CLTCL1: variants seen among roughly 807,000 people sequenced by gnomAD.
CLTCL1 encodes clathrin heavy chain like 1.
CLTCL1 carries 159 observed loss-of-function variants against 190.0 expected under a neutral mutation model. That is an observed-to-expected ratio of 0.84 (90% CI 0.74 to 0.95). CLTCL1 has a LOEUF of 0.95. CLTCL1 is among the 40% of genes least tolerant of loss of function. The probability of loss-of-function intolerance (pLI) is 0.00; values close to 1 mark genes in which losing one functional copy is unlikely to be tolerated. For missense variants in CLTCL1, 1,878 were observed against 2,033.4 expected (o/e 0.92, Z 1.47); for synonymous variants, 752 against 769.6 (o/e 0.98, Z 0.38).
chr22:19,239,127 C>T, intron 5 of CLTCL1, 148 bp downstream of exon 5: 1 of 663,476 alleles, frequency 1.5e-6, no homozygotes. Context: ...GCTCACACGC[C>T]AAAGCCTTAG....
At chr22:19,227,595 C>T (rs1036914661) in intron 11 of CLTCL1, among the ~76,000 whole-genome samples, 1 of 152,022 alleles carries the variant, frequency 6.6e-6, no homozygotes, top group South Asian at 2.1e-4. Context: ...GCTGGGACTA[C>T]AGGCATGCGC....
In CLTCL1 at chr22:19,210,533, C is replaced by T. The variant is rs781965664; in HGVS notation, c.3066-24G>A. The T allele has an allele frequency of 2.4e-5, 38 of 1,599,040 alleles. No individual in the cohort carries two copies. The East Asian group carries it at 3.4e-4, about 14-fold the overall frequency. On this transcript the variant is annotated intron_variant, in intron 19 of 32. Coordinates refer to ENST00000427926, the MANE Select transcript of CLTCL1 (RefSeq NM_007098.4). ...TCCTGAGGAGAGAGGGTGGTCAGCA[C>T]GGCATCCCAGGAACGAAGGCTGCAC...
At chr22:19,219,778 C>T (rs1254307578) in intron 18 of CLTCL1, 107 bp downstream of exon 18, 1 of 1,519,586 alleles carries the variant, frequency 6.6e-7, no homozygotes, top group East Asian at 2.3e-5. Flanking sequence ...GAGCCACTGC[C>T]CTCAGCCAAG....
Position 19,208,938 on chromosome 22 carries a change from C to T in CLTCL1, c.3426G>A (p.Gln1142=), listed in dbSNP as rs1555944680. 6.2e-7 allele frequency: 1 copy of T among 1,608,504 alleles called. No homozygotes were observed. Among genetic ancestry groups the T allele is most frequent in the Non-Finnish European group, 8.5e-7 (1 of 1,177,386 alleles). The change falls in exon 21 of 33, where the codon CAG becomes CAA. Residue 1142 remains glutamine (Q), a synonymous_variant. Transcript: ENST00000427926. The stretch of plus-strand genomic sequence containing the variant: ...CTCACTTACTGCTCCTGCTGGCTGA[C>T]TGAACAACTTCCAGGTAAGAGGAAG... The part of the protein sequence containing the change: ...DDPSSYLEVV[Q]SASRSNNWED...
At chr22:19,200,263 A>G (rs955130129) in intron 23 of CLTCL1, among the ~76,000 whole-genome samples, 3 of 152,222 alleles carry the variant, frequency 2.0e-5, no homozygotes, top group African/African-American at 4.8e-5. Flanking sequence ...TGCACTGTAC[A>G]GTATGTATAC....
At chr22:19,186,402 G>A (rs781807445) in intron 29 of CLTCL1, among the ~76,000 whole-genome samples, 30 of 151,918 alleles carry the variant, frequency 2.0e-4, no homozygotes, top group Non-Finnish European at 3.4e-4. Flanking sequence ...GTCCCTCCAG[G>A]CAGCCCAACC....
Position 19,180,209 on chromosome 22 carries a change from C to T in CLTCL1, c.*10G>A. 6.2e-7 allele frequency: 1 copy of T among 1,613,700 alleles called. No individual in the cohort carries two copies. The highest frequency in any genetic ancestry group is 8.5e-7 in the Non-Finnish European group (1 of 1,179,766). ...AAATGGGACACTTACTTAGTGCAAT[C>T]AGCTGGGTCTCATTCATGCCCATCA... is the stretch of plus-strand genomic sequence containing the variant. On this transcript the variant is annotated 3_prime_UTR_variant, in exon 32 of 33. Coordinates refer to ENST00000427926, the MANE Select transcript of CLTCL1 (RefSeq NM_007098.4).
intron 2 of CLTCL1, 99 bp downstream of exon 2, chr22:19,275,524 G>A (rs2146292430): frequency 1.6e-6 from 2 of 1,246,036 alleles, no homozygotes; most frequent in Non-Finnish European, 2.3e-6. Flanking sequence ...CTATTGAGGA[G>A]CACTTCGCCA....
At chr22:19,265,927 C>T (rs2087109501) in intron 2 of CLTCL1, among the ~76,000 whole-genome samples, 1 of 152,180 alleles carries the variant, frequency 6.6e-6, no homozygotes, top group Non-Finnish European at 1.5e-5. Context: ...GGCTGGAGTG[C>T]AATGGCACTA....
Position 19,198,092 on chromosome 22 carries a change from T to A in CLTCL1, c.3874-1436A>T, listed in dbSNP as rs528972720. Among the ~76,000 whole-genome samples the A allele has an allele frequency of 1.0e-3, 153 of 152,314 alleles. No homozygotes were observed. Among genetic ancestry groups the A allele is most frequent in the Non-Finnish European group, 1.4e-3 (98 of 68,020 alleles). ...AAGTAATTCTTGTCCTTCCCTCCCG[T>A]GCTGCACCTTCAGTCTTCCCCTCAT... On this transcript the variant is annotated intron_variant, in intron 24 of 32. Transcript: ENST00000427926. The surrounding 1 kb of genome is among the most constrained non-coding windows in gnomAD (Gnocchi z 4.1).
At chr22:19,268,908 G>A (rs1601700139) in intron 2 of CLTCL1, among the ~76,000 whole-genome samples, 2 of 152,008 alleles carry the variant, frequency 1.3e-5, no homozygotes, top group South Asian at 2.1e-4. Flanking sequence ...TGGCCAACAT[G>A]GTGAAACCTC....
intron 3 of CLTCL1, among the ~76,000 whole-genome samples, chr22:19,246,764 A>G (rs1293833178): frequency 6.6e-6 from 1 of 152,196 alleles, no homozygotes; most frequent in Non-Finnish European, 1.5e-5. Context: ...GAGTGGGTGT[A>G]AAGTGGTACT....
In CLTCL1 at chr22:19,219,991, G is replaced by C; in HGVS notation, c.2813C>G (p.Ser938Cys). The C allele has an allele frequency of 1.2e-6, 2 of 1,614,050 alleles. No homozygotes were observed. The highest frequency in any genetic ancestry group is 1.7e-6 in the Non-Finnish European group (2 of 1,179,914). The part of the protein sequence containing the change: ...LELIKVCNEN[S>C]LFKSEARYLV... ...GTAGCGGGCCTCGCTTTTGAACAGAGAATTCTCATTGCACACCTGAAATGA... is the reference window on the plus strand; with the variant it reads ...GTAGCGGGCCTCGCTTTTGAACAGACAATTCTCATTGCACACCTGAAATGA... Residue 938 changes from serine (S) to cysteine (C), a missense_variant, in exon 18 of 33, where the codon TCT (serine) becomes TGT (cysteine). Ser to Cys is a moderately radical substitution (Grantham distance 112). Coordinates refer to ENST00000427926, the MANE Select transcript of CLTCL1 (RefSeq NM_007098.4).
At chr22:19,183,082 G>A (rs1444734768) in intron 30 of CLTCL1, 2 of 356,840 alleles carry the variant, frequency 5.6e-6, no homozygotes, top group Non-Finnish European at 1.1e-5. Flanking sequence ...TGAAGTCCAG[G>A]GCTGGGGATG....
intron 5 of CLTCL1, among the ~76,000 whole-genome samples, chr22:19,237,331 A>G (rs1431675668): frequency 6.6e-6 from 1 of 152,122 alleles, no homozygotes; most frequent in Non-Finnish European, 1.5e-5. Flanking sequence ...AAAGATCCCA[A>G]TAGAAAAAAA....
chr22:19,189,572 T>G (rs1322508857), intron 27 of CLTCL1, among the ~76,000 whole-genome samples: 1 of 152,234 alleles, frequency 6.6e-6, no homozygotes, highest in Non-Finnish European at 1.5e-5. Flanking sequence ...ATCCTAAGAT[T>G]GCAGCAATTC....
chr22:19,209,392 C>G (rs1408821063), intron 20 of CLTCL1: 1 of 328,548 alleles, frequency 3.0e-6, no homozygotes, highest in Non-Finnish European at 5.6e-6. Flanking sequence ...GGGGGTAGGA[C>G]ATGGGACTTG....
At chr22:19,210,251 G>A (rs964180533) in intron 20 of CLTCL1, 75 bp downstream of exon 20, 40 of 1,438,514 alleles carry the variant, frequency 2.8e-5, no homozygotes, top group South Asian at 6.3e-5. Flanking sequence ...CCTTGGAGAG[G>A]ACAAGGGCTT....
intron 11 of CLTCL1, 81 bp downstream of exon 11, chr22:19,229,757 A>C: frequency 7.1e-7 from 1 of 1,404,180 alleles, no homozygotes; most frequent in Non-Finnish European, 9.4e-7. Context: ...GCCCAGTCCA[A>C]AGCCACTGTG....
Sources: gnomAD v4.1 joint callset for allele counts (sites outside exome capture counted in the v4.1 genomes callset) on GRCh38, gnomAD v4.1.1 for gene constraint, Gnocchi (gnomAD v3.1) non-coding constraint, MANE v1.5 for transcripts, NCBI Gene and HGNC (gene_info 2026-07-23, HGNC 2026-07-21) for gene names.